Variants in MON2 observed in about 807,000 individuals in gnomAD.
MON2 encodes protein MON2 homolog.
A neutral mutation model predicts 208.6 loss-of-function variants in MON2; 84 were observed. The ratio of observed to expected loss-of-function variants is 0.40; its 90% confidence interval spans 0.34 to 0.48. The LOEUF is 0.48. Among genes scored for constraint, MON2 ranks in the 20% least tolerant of loss-of-function variants. The probability of loss-of-function intolerance (pLI) is 0.59; values close to 1 mark genes in which losing one functional copy is unlikely to be tolerated. For missense variants in MON2, 1,611 were observed against 2,015.4 expected, an observed-to-expected ratio of 0.80 and a Z score of 3.84; for synonymous variants, 660 against 694.0, an observed-to-expected ratio of 0.95 and a Z score of 0.77.
intron 5 of MON2, 34 bp from the exon 6 acceptor site, chr12:62,500,749 T>A: frequency 9.9e-7 from 1 of 1,007,442 alleles, no homozygotes; most frequent in Non-Finnish European, 1.5e-6. Flanking sequence ...AAGGCTATTA[T>A]GAACTCCTAA....
intron 21 of MON2, among the ~76,000 whole-genome samples, chr12:62,546,250 CCT>C (rs1177856537): frequency 6.6e-6 from 1 of 151,834 alleles, no homozygotes; most frequent in Non-Finnish European, 1.5e-5. Context: ...GAATTGATTA[CCT>C]CTCTCCAAAT....
intron 20 of MON2, among the ~76,000 whole-genome samples, chr12:62,543,625 T>C (rs78097107): frequency 1.7e-4 from 26 of 152,216 alleles, no homozygotes; most frequent in Admixed American, 3.3e-4. Context: ...CTCTCTTTTT[T>C]GAGACGGAAT....
At chr12:62,485,745 C>G (rs2069735635) in intron 2 of MON2, among the ~76,000 whole-genome samples, 1 of 151,976 alleles carries the variant, frequency 6.6e-6, no homozygotes, top group Non-Finnish European at 1.5e-5. Context: ...CTCTTGTTAT[C>G]CCAGCTGGAG....
In MON2 at chr12:62,560,555, C is replaced by T. The variant is rs567943732; in HGVS notation, c.3474C>T (p.Asn1158=). 6.2e-7 allele frequency: 1 copy of T among 1,613,874 alleles called. No individual in the cohort carries two copies. Among genetic ancestry groups the T allele is most frequent in the Admixed American group, 1.7e-5 (1 of 60,004 alleles). The change falls in exon 26 of 35, where the codon AAC becomes AAT. Residue 1158 remains asparagine, a synonymous_variant. Coordinates refer to ENST00000393630, the MANE Select transcript of MON2 (RefSeq NM_015026.3). Reference sequence around the variant, plus strand: ...TACAGTCAGCAGCACTCAGCAAAAACAATGAAGTATCTCTGGCTGCTCTGA... The same window carrying T: ...TACAGTCAGCAGCACTCAGCAAAAATAATGAAGTATCTCTGGCTGCTCTGA... The part of the protein sequence containing the change: ...DHIQSAALSK[N]NEVSLAALKS...
chr12:62,588,061 A>C lies in MON2; in HGVS notation c.4908-13A>C. On this transcript the variant is annotated splice_polypyrimidine_tract_variant and intron_variant, in intron 33 of 34. Coordinates refer to ENST00000393630, the MANE Select transcript of MON2 (RefSeq NM_015026.3). Reference sequence around the variant, plus strand: ...AAAATCTTAATGGAAATGATTTCCTATCTCTTTTTCAGGCAACAAGTAACA... The same window carrying C: ...AAAATCTTAATGGAAATGATTTCCTCTCTCTTTTTCAGGCAACAAGTAACA... The C allele has an allele frequency of 6.7e-7, 1 of 1,499,966 alleles. No individual in the cohort carries two copies. The highest frequency in any genetic ancestry group is 9.3e-7 in the Non-Finnish European group (1 of 1,080,656). The allele number at this position is 1,499,966 out of a possible 1,614,324, so 92.9% of individuals were successfully genotyped here.
chr12:62,577,460 C>A (rs1358103415), intron 30 of MON2, among the ~76,000 whole-genome samples: 1 of 151,966 alleles, frequency 6.6e-6, no homozygotes, highest in African/African-American at 2.4e-5. Flanking sequence ...CCCATATATT[C>A]CTATATACAA....
intron 8 of MON2, among the ~76,000 whole-genome samples, chr12:62,511,678 A>G (rs574715091): frequency 7.9e-4 from 120 of 152,360 alleles, no homozygotes; most frequent in Non-Finnish European, 1.5e-3. Flanking sequence ...AACATAGGGG[A>G]AAATCTTTAT....
chr12:62,471,305 C>G (rs2068776632), intron 1 of MON2, among the ~76,000 whole-genome samples: 1 of 152,176 alleles, frequency 6.6e-6, no homozygotes, highest in African/African-American at 2.4e-5. Flanking sequence ...GCCTCAGCCT[C>G]CTGAGTACCT....
At chr12:62,470,691 C>T in intron 1 of MON2, 2 of 1,124,362 alleles carry the variant, frequency 1.8e-6, no homozygotes, top group South Asian at 1.9e-5. Context: ...TTATTATTTC[C>T]TATTTGCAGG....
At chr12:62,572,179 A>G (rs1442351858) in intron 30 of MON2, among the ~76,000 whole-genome samples, 3 of 152,350 alleles carry the variant, frequency 2.0e-5, no homozygotes, top group South Asian at 4.1e-4. Flanking sequence ...CTAGTTACAA[A>G]TGACTAATTA....
At chr12:62,473,728 G>T (rs1426281002) in intron 1 of MON2, among the ~76,000 whole-genome samples, 2 of 151,568 alleles carry the variant, frequency 1.3e-5, no homozygotes, top group Non-Finnish European at 2.9e-5. Flanking sequence ...TGCCACCACG[G>T]CTGGCAAATT....
chr12:62,537,775 C>A, intron 16 of MON2, 69 bp downstream of exon 16: 1 of 1,199,284 alleles, frequency 8.3e-7, no homozygotes, highest in South Asian at 1.4e-5. Context: ...TTAGACTAAG[C>A]AATGTATTTT....
Position 62,500,945 on chromosome 12 carries a change from G to A in MON2, c.663+65G>A, listed in dbSNP as rs1253865770. The A allele has an allele frequency of 7.5e-6, 7 of 932,000 alleles. No homozygotes were observed. The Admixed American group carries it at 1.1e-4, about 15-fold the overall frequency. 57.7% of individuals were successfully genotyped at this position (932,000 alleles called of 1,614,324 possible). The stretch of plus-strand genomic sequence containing the variant: ...AGTTTTGTGTGAATTTTTTAGTTGG[G>A]GATTTTATGTCTAATTTTTTTAATG... On this transcript the variant is annotated intron_variant, in intron 6 of 34. Transcript: ENST00000393630.
intron 2 of MON2, among the ~76,000 whole-genome samples, chr12:62,493,022 CACACACAT>C (rs887941705): frequency 1.7e-4 from 26 of 148,854 alleles, no homozygotes; most frequent in East Asian, 5.9e-4. Context: ...CACAGACACA[CACACACAT>C]ACACACATAC....
intron 7 of MON2, among the ~76,000 whole-genome samples, chr12:62,501,988 G>A (rs1420651322): frequency 6.6e-6 from 1 of 152,096 alleles, no homozygotes; most frequent in Admixed American, 6.5e-5. Flanking sequence ...TTGGAAGGCC[G>A]AGGTGGGTAG....
intron 26 of MON2, 57 bp downstream of exon 26, chr12:62,561,170 A>G: frequency 7.1e-7 from 1 of 1,403,748 alleles, no homozygotes; most frequent in South Asian, 1.5e-5. Flanking sequence ...AATTTTTTTT[A>G]TTTTGCTATA....
intron 11 of MON2, among the ~76,000 whole-genome samples, chr12:62,527,248 C>T (rs564679309): frequency 2.6e-5 from 4 of 152,130 alleles, no homozygotes; most frequent in African/African-American, 9.6e-5. Flanking sequence ...AACTGTGAAA[C>T]CCCATCTCTT....
chr12:62,501,920 T>C (rs2070854652), intron 7 of MON2, among the ~76,000 whole-genome samples: 1 of 151,552 alleles, frequency 6.6e-6, no homozygotes, highest in African/African-American at 2.4e-5. Context: ...ACACCATCAA[T>C]ACAGAAAATA....
chr12:62,542,689 C>G (rs2073290796), intron 19 of MON2, among the ~76,000 whole-genome samples: 1 of 152,136 alleles, frequency 6.6e-6, no homozygotes, highest in Non-Finnish European at 1.5e-5. Context: ...CTGCTATAGT[C>G]TTGATTTCAT....
Sources: gnomAD v4.1 joint callset for allele counts (sites outside exome capture counted in the v4.1 genomes callset) on GRCh38, gnomAD v4.1.1 for gene constraint, MANE v1.5 for transcripts, NCBI Gene and HGNC (gene_info 2026-07-23, HGNC 2026-07-21) for gene names.